The following DNAI3 variants were observed in gnomAD, a reference collection of about 807,000 sequenced individuals.
DNAI3 encodes the protein dynein axonemal intermediate chain 3, also known as WD repeat domain 63.
Under a neutral mutation model 115.5 loss-of-function variants are expected in DNAI3, and 83 were observed. The ratio of observed to expected loss-of-function variants is 0.72; its 90% CI spans 0.60 to 0.86. The LOEUF (loss-of-function observed/expected upper bound fraction) is 0.86. Ranked by LOEUF, DNAI3 falls within the 40% of genes least tolerant of loss-of-function variation. The probability of loss-of-function intolerance (pLI) is 0.00; values close to 1 mark genes in which losing one functional copy is unlikely to be tolerated. For missense variants in DNAI3, 1,004 were observed against 1,075.8 expected (o/e 0.93, Z 0.93); for synonymous variants, 320 against 347.0 (o/e 0.92, Z 0.86).
At chr1:85,108,549 T>G (rs1026318626) in intron 15 of DNAI3, among the ~76,000 whole-genome samples, 2 of 152,168 alleles carry the variant, frequency 1.3e-5, no homozygotes, top group Non-Finnish European at 2.9e-5. Context: ...AACATTTCAG[T>G]CATTCTAACT....
chr1:85,104,083 C>A (rs1480772707), intron 13 of DNAI3, among the ~76,000 whole-genome samples: 1 of 150,710 alleles, frequency 6.6e-6, no homozygotes, highest in Non-Finnish European at 1.5e-5. Context: ...TAATTTTAAA[C>A]CTTCTGTTTC....
chr1:85,080,046 C>CTTTTTTTTTTTTTTTT (rs35938324), intron 3 of DNAI3, among the ~76,000 whole-genome samples: 64 of 68,322 alleles, frequency 9.4e-4, no homozygotes, highest in Admixed American at 1.2e-3. Flanking sequence ...TTTTCTTTTT[C>CTTTTTTTTTTTTTTTT]TTTTTTTTTT....
intron 3 of DNAI3, among the ~76,000 whole-genome samples, chr1:85,079,487 C>T (rs1654562799): frequency 6.6e-6 from 1 of 152,150 alleles, no homozygotes; most frequent in African/African-American, 2.4e-5. Context: ...TGAGAGGCCA[C>T]ATACACTTTC....
intron 16 of DNAI3, among the ~76,000 whole-genome samples, chr1:85,116,435 C>G (rs1443037305): frequency 1.3e-5 from 2 of 152,186 alleles, no homozygotes; most frequent in African/African-American, 2.4e-5. Context: ...GACCAGAAGT[C>G]TCCACACTTT....
At chr1:85,111,522 G>A (rs1262094919) in intron 16 of DNAI3, among the ~76,000 whole-genome samples, 1 of 152,188 alleles carries the variant, frequency 6.6e-6, no homozygotes, top group East Asian at 1.9e-4. Flanking sequence ...CCAGGGGTAC[G>A]ATGGTGAGCA....
chr1:85,090,310 C>T (rs555529530), intron 8 of DNAI3, 78 bp downstream of exon 8: 12 of 719,970 alleles, frequency 1.7e-5, no homozygotes, highest in Middle Eastern at 4.2e-4. Context: ...TCTAAATAAA[C>T]AATTCCATAT....
intron 1 of DNAI3, among the ~76,000 whole-genome samples, chr1:85,063,026 A>G (rs1571146225): frequency 6.6e-6 from 1 of 152,198 alleles, no homozygotes. Flanking sequence ...CCTAGTGACT[A>G]GTTTACCCAG....
intron 16 of DNAI3, among the ~76,000 whole-genome samples, chr1:85,113,522 G>T (rs1000028420): frequency 6.6e-6 from 1 of 152,166 alleles, no homozygotes; most frequent in African/African-American, 2.4e-5. Context: ...CCATATATAT[G>T]TGAGTCTATT....
At chr1:85,102,328 T>TA in intron 13 of DNAI3, among the ~76,000 whole-genome samples, 1 of 151,992 alleles carries the variant, frequency 6.6e-6, no homozygotes, top group Non-Finnish European at 1.5e-5. Flanking sequence ...ACCCCCCAAA[T>TA]ATGTCCATCG....
Position 85,130,113 on chromosome 1 carries a change from G to A in DNAI3, c.2532+1G>A. ...ACTAGAAATGGCAAAGAAAAAAGTT[G>A]TAAGTTAAATTTCAGAAATGAAAGA... On this transcript the variant is annotated splice_donor_variant, in intron 22 of 22. Coordinates refer to ENST00000294664, the MANE Select transcript of DNAI3 (RefSeq NM_145172.5). LOFTEE classifies it high-confidence loss of function. 7 of 1,613,170 alleles carry A rather than the reference G, an allele frequency of 4.3e-6. No individual in the cohort carries two copies. The highest frequency in any genetic ancestry group is 5.9e-6 in the Non-Finnish European group (7 of 1,179,634).
At chr1:85,113,883 G>A (rs1655729850) in intron 16 of DNAI3, among the ~76,000 whole-genome samples, 1 of 152,016 alleles carries the variant, frequency 6.6e-6, no homozygotes, top group Non-Finnish European at 1.5e-5. Flanking sequence ...ATTTTACAGT[G>A]TACAGGTCTT....
intron 20 of DNAI3, among the ~76,000 whole-genome samples, chr1:85,126,995 G>A (rs1656165703): frequency 6.6e-6 from 1 of 152,070 alleles, no homozygotes; most frequent in Non-Finnish European, 1.5e-5. Flanking sequence ...TCTGAGACAC[G>A]TGTCAGGCAG....
At chr1:85,092,794 TACACACACACACAC>T (rs58308443) in intron 8 of DNAI3, among the ~76,000 whole-genome samples, 56,065 of 145,248 alleles carry the variant, frequency 0.39, 10,932 homozygotes, top group South Asian at 0.45. Flanking sequence ...CAACTAAAAC[TACACACACACACAC>T]ACACACACAC....
chr1:85,090,040 C>G, intron 7 of DNAI3, 76 bp from the exon 8 acceptor site: 1 of 584,188 alleles, frequency 1.7e-6, no homozygotes. Flanking sequence ...CAGAGACACA[C>G]TTTTGACCTG....
At chr1:85,088,197 G>T (rs1360044718) in intron 7 of DNAI3, among the ~76,000 whole-genome samples, 3 of 151,946 alleles carry the variant, frequency 2.0e-5, no homozygotes, top group Admixed American at 6.6e-5. Context: ...TTCCTACTAG[G>T]GTACAGACAA....
Position 85,090,136 on chromosome 1 carries a change from C to G in DNAI3, c.761C>G (p.Thr254Ser). The part of the protein sequence containing the change: ...QTKWTYPKNA[T>S]TQYYPREFSE... ...ATTAGGACATATCCTAAAAATGCTACTACGCAATATTATCCAAGAGAATTC... is the reference window on the plus strand; with the variant it reads ...ATTAGGACATATCCTAAAAATGCTAGTACGCAATATTATCCAAGAGAATTC... Residue 254 changes from threonine to serine, a missense_variant, in exon 8 of 23, where the codon ACT (threonine) becomes AGT (serine). By Grantham distance (58) the Thr-to-Ser change is moderately conservative. Coordinates refer to ENST00000294664, the MANE Select transcript of DNAI3 (RefSeq NM_145172.5). The G allele has an allele frequency of 6.4e-7, 1 of 1,564,366 alleles. No homozygotes were observed. The highest frequency in any genetic ancestry group is 1.3e-5 in the South Asian group (1 of 78,202).
At chr1:85,126,087 T>C (rs945670663) in intron 19 of DNAI3, among the ~76,000 whole-genome samples, 3 of 152,210 alleles carry the variant, frequency 2.0e-5, no homozygotes, top group Admixed American at 2.0e-4. Context: ...TTTTCATTTG[T>C]TTTACTCTCT....
chr1:85,081,273 C>A lies in DNAI3; in HGVS notation c.143C>A (p.Thr48Asn). 3 of 1,600,988 alleles carry A rather than the reference C, an allele frequency of 1.9e-6. No homozygotes were observed. Among genetic ancestry groups the A allele is most frequent in the Non-Finnish European group, 1.7e-6 (2 of 1,176,086 alleles). Residue 48 changes from threonine to asparagine, a missense_variant, in exon 4 of 23, where the codon ACC (threonine) becomes AAC (asparagine). Thr to Asn is a moderately conservative substitution (Grantham distance 65). Transcript: ENST00000294664. ...TATCCTTTAGTATTAACCACCAAGACCCAAGAAATATTTAACTGCCGAATA... is the reference window on the plus strand; with the variant it reads ...TATCCTTTAGTATTAACCACCAAGAACCAAGAAATATTTAACTGCCGAATA... ...EIYPLVLTTK[T>N]QEIFNCRIDE...
At chr1:85,072,764 GTTGA>G in intron 2 of DNAI3, among the ~76,000 whole-genome samples, 1 of 151,574 alleles carries the variant, frequency 6.6e-6, no homozygotes, top group Non-Finnish European at 1.5e-5. Flanking sequence ...GACCATCCTG[GTTGA>G]CACGGTGAAA....
Sources: allele counts gnomAD v4.1 joint callset (sites outside exome capture counted in the v4.1 genomes callset), GRCh38; gene constraint gnomAD v4.1.1; transcripts MANE v1.5; gene names NCBI Gene and HGNC (gene_info 2026-07-23, HGNC 2026-07-21).